Variants in PDE4D observed in about 807,000 individuals in gnomAD.
PDE4D encodes phosphodiesterase 4D.
PDE4D carries 24 observed loss-of-function variants against 87.4 expected under a neutral mutation model. That is an observed-to-expected ratio of 0.27 (90% CI 0.20 to 0.39). The LOEUF (loss-of-function observed/expected upper bound fraction) is 0.39. PDE4D is among the 10% of genes least tolerant of loss of function. The pLI is 1.00. For synonymous variants in PDE4D, 384 were observed against 383.2 expected (o/e 1.00, Z -0.02); for missense variants, 714 against 1,041.0 (o/e 0.69, Z 4.32).
Position 59,200,670 on chromosome 5 carries a change from T to TACACGTATACATACATATGTGTATGTAC in PDE4D, c.648-7135_648-7134insGTACATACACATATGTATGTATACGTGT, listed in dbSNP as rs1561692301. On this transcript the variant is annotated intron_variant, in intron 2 of 14. Coordinates refer to ENST00000340635, the MANE Select transcript of PDE4D (RefSeq NM_001104631.2). ...ACGTATACATACATATGTGTATGTA[T>TACACGTATACATACATATGTGTATGTAC]AGATACACGTATACATACATATGTG... Among the ~76,000 whole-genome samples the TACACGTATACATACATATGTGTATGTAC allele has an allele frequency of 1.4e-3, 23 of 16,436 alleles. 5 individuals carry two copies. The highest frequency in any genetic ancestry group is 5.0e-3 in the African/African-American group (22 of 4,396). 10.8% of individuals were successfully genotyped at this position (16,436 alleles called of 152,430 possible).
chr5:59,188,227 C>T (rs1316401535), intron 3 of PDE4D, among the ~76,000 whole-genome samples: 2 of 152,144 alleles, frequency 1.3e-5, no homozygotes, highest in African/African-American at 2.4e-5. Flanking sequence ...GTTTCTTCCA[C>T]AGAGCTCAAT....
rs141010351 is a variant in PDE4D, at chr5:59,775,180, A to G, written c.455+117988T>C. On this transcript the variant is annotated intron_variant, in intron 1 of 14. Transcript: ENST00000340635. ...TCTCTAAATATTACTCTGACTTCAA[A>G]GAAGAAAATAAGTTTTGATAGCCAC... Among the ~76,000 whole-genome samples the G allele has an allele frequency of 3.3e-3, 508 of 152,304 alleles. 4 individuals are homozygous for G. Among genetic ancestry groups the G allele is most frequent in the African/African-American group, 0.011 (474 of 41,562 alleles).
At chr5:60,147,938 A>G (rs1282917276) in intron 2 of PDE4D, 1 of 340,414 alleles carries the variant, frequency 2.9e-6, no homozygotes, top group Non-Finnish European at 5.9e-6. Flanking sequence ...CCTAACCTCC[A>G]AAGTGGCACA....
At chr5:59,045,344 G>A (rs1003850690) in intron 5 of PDE4D, among the ~76,000 whole-genome samples, 2 of 151,916 alleles carry the variant, frequency 1.3e-5, no homozygotes, top group East Asian at 1.9e-4. Context: ...ACCTGAGGTC[G>A]GGAGTTCAAG....
chr5:59,223,415 T>G (rs1203521879), intron 1 of PDE4D, among the ~76,000 whole-genome samples: 1 of 152,082 alleles, frequency 6.6e-6, no homozygotes, highest in Non-Finnish European at 1.5e-5. Context: ...TACTCCACTC[T>G]CCCCTGTGTA....
intron 5 of PDE4D, among the ~76,000 whole-genome samples, chr5:59,115,044 T>C: frequency 6.6e-6 from 1 of 151,830 alleles, no homozygotes; most frequent in East Asian, 1.9e-4. Context: ...GATGCAGCCA[T>C]CAAAGAGTAG....
At chr5:59,039,579 C>T (rs1028399222) in intron 5 of PDE4D, 5 of 918,652 alleles carry the variant, frequency 5.4e-6, no homozygotes, top group Middle Eastern at 5.5e-4. Context: ...CGCAGCTTTC[C>T]GGGAACACTC....
chr5:60,443,507 T>A (rs999786893), intron 1 of PDE4D, among the ~76,000 whole-genome samples: 1 of 151,926 alleles, frequency 6.6e-6, no homozygotes, highest in African/African-American at 2.4e-5. Flanking sequence ...TTCCCCAGGG[T>A]AGAGAAAAGA....
chr5:59,842,366 T>A (rs1743145192), intron 1 of PDE4D, among the ~76,000 whole-genome samples: 1 of 152,072 alleles, frequency 6.6e-6, no homozygotes, highest in Non-Finnish European at 1.5e-5. Flanking sequence ...GTGTATTCCA[T>A]GTGTAGAGTC....
intron 1 of PDE4D, among the ~76,000 whole-genome samples, chr5:59,879,144 C>G (rs1029478517): frequency 2.6e-5 from 4 of 152,174 alleles, no homozygotes; most frequent in African/African-American, 9.6e-5. Context: ...TCGTGATCCG[C>G]TCTCCTCGGC....
intron 1 of PDE4D, among the ~76,000 whole-genome samples, chr5:59,666,241 G>T (rs1046835056): frequency 6.6e-6 from 1 of 152,158 alleles, no homozygotes; most frequent in Non-Finnish European, 1.5e-5. Flanking sequence ...GATTACAGCC[G>T]TGAACCACTG....
rs533300991 is a variant in PDE4D, at chr5:59,371,109, T to A, written c.456-155141A>T. Reference sequence around the variant, plus strand: ...TTTATATGGGGCCCAAGACAATTCTTCCAATGTGGCCCAGGGAAGCCAAAA... The same window carrying A: ...TTTATATGGGGCCCAAGACAATTCTACCAATGTGGCCCAGGGAAGCCAAAA... On this transcript the variant is annotated intron_variant, in intron 1 of 14. Coordinates refer to ENST00000340635, the MANE Select transcript of PDE4D (RefSeq NM_001104631.2). Among the ~76,000 whole-genome samples, 5 of 152,304 alleles carry A rather than the reference T, an allele frequency of 3.3e-5. No individual in the cohort carries two copies. In the East Asian group the frequency reaches 9.6e-4, roughly 29 times the overall value.
chr5:59,579,755 A>G (rs114353145), intron 1 of PDE4D, among the ~76,000 whole-genome samples: 425 of 152,296 alleles, frequency 2.8e-3, no homozygotes, highest in Non-Finnish European at 4.6e-3. Context: ...TGCTTTGAAC[A>G]GAGGCTCTGT....
chr5:59,704,833 A>C (rs1302177421), intron 1 of PDE4D, among the ~76,000 whole-genome samples: 3 of 152,158 alleles, frequency 2.0e-5, no homozygotes, highest in African/African-American at 7.2e-5. Flanking sequence ...TCATAATCCA[A>C]CTTACATACA....
intron 1 of PDE4D, among the ~76,000 whole-genome samples, chr5:60,290,406 A>G (rs1310518854): frequency 2.0e-5 from 3 of 152,214 alleles, no homozygotes; most frequent in African/African-American, 7.2e-5. Context: ...TGACACATCT[A>G]ATAAGAAATG....
chr5:59,378,549 G>A (rs1463436187), intron 1 of PDE4D, among the ~76,000 whole-genome samples: 1 of 152,134 alleles, frequency 6.6e-6, no homozygotes. Context: ...AATACATAGT[G>A]AATTAAGAAA....
At position 59,934,600 on chromosome 5, in the gene PDE4D, G is replaced by A. The variant is rs149364400; in HGVS notation, c.272+53888C>T. Among the ~76,000 whole-genome samples the A allele has an allele frequency of 6.3e-3, 957 of 152,302 alleles. 8 individuals are homozygous for A. The highest frequency in any genetic ancestry group is 0.021 in the African/African-American group (892 of 41,566). On this transcript the variant is annotated intron_variant, in intron 3 of 16. Transcript: ENST00000502484. ...TCAGATAGTGGCAGATATTTGCATA[G>A]ATCTATAATATATAGTGCAGCATGG...
chr5:59,988,689 T>C (rs754724410), exon 3 of PDE4D: 1 of 1,597,802 alleles, frequency 6.3e-7, no homozygotes, highest in Non-Finnish European at 8.5e-7. Context: ...TTCCTCTTCA[T>C]TACTGGAATG....
At chr5:59,483,336 A>G (rs768033105) in intron 1 of PDE4D, among the ~76,000 whole-genome samples, 2 of 152,142 alleles carry the variant, frequency 1.3e-5, no homozygotes, top group African/African-American at 2.4e-5. Flanking sequence ...ACTAATAAAC[A>G]TAGAAATAAA....
Sources: allele counts gnomAD v4.1 joint callset (sites outside exome capture counted in the v4.1 genomes callset), GRCh38; gene constraint gnomAD v4.1.1; transcripts MANE v1.5; gene names NCBI Gene and HGNC (gene_info 2026-07-23, HGNC 2026-07-21).